CEBPB: variants seen among roughly 807,000 people sequenced by gnomAD.
The protein encoded by CEBPB is CCAAT/enhancer-binding protein beta.
For missense variants in CEBPB, 498 were observed against 533.1 expected, an observed-to-expected ratio of 0.93 and a Z score of 0.65; for synonymous variants, 295 against 267.1, an observed-to-expected ratio of 1.10 and a Z score of -1.02.
chr20:50,191,890 G>C lies in CEBPB; in HGVS notation c.857G>C (p.Arg286Pro). The C allele has an allele frequency of 6.2e-7, 1 of 1,612,474 alleles. No individual in the cohort carries two copies. Among genetic ancestry groups the C allele is most frequent in the Non-Finnish European group, 8.5e-7 (1 of 1,179,446 alleles). ...IRRERNNIAV[R>P]KSRDKAKMRN... is the part of the protein sequence containing the mutation. ...CGCGAGCGCAACAACATCGCCGTGC[G>C]CAAGAGCCGCGACAAGGCCAAGATG... The change falls in exon 1 of 1, where the codon CGC becomes CCC. Residue 286 changes from arginine (R) to proline (P), a missense_variant. Transcript: ENST00000303004.
Position 50,191,311 on chromosome 20 carries a change from C to T in CEBPB, c.278C>T (p.Ala93Val). 7.1e-7 allele frequency: 1 copy of T among 1,415,330 alleles called. No homozygotes were observed. The allele number at this position is 1,415,330 out of a possible 1,614,324, so 87.7% of individuals were successfully genotyped here. A position where few individuals can be genotyped will look rare whatever the true frequency, so the allele number is the denominator to read the frequency against. The change falls in exon 1 of 1, where the codon GCC becomes GTC. Residue 93 changes from alanine to valine, a missense_variant. By Grantham distance (64) the Ala-to-Val change is moderately conservative. Transcript: ENST00000303004. ...GAPQAPAPAT[A>V]TDTFEAAPPA... ...CCGCAGGCCCCGGCGCCCGCCACGG[C>T]CACGGACACCTTCGAGGCGGCTCCG...
Position 50,191,221 on chromosome 20 carries a change from T to C in CEBPB, c.188T>C (p.Leu63Pro). The part of the protein sequence containing the change: ...RPGPRPPAGE[L>P]GSIGDHERAI... ...GGGCCGCGCCCCCCCGCCGGCGAGCTGGGCAGCATCGGCGACCACGAGCGC... is the reference window on the plus strand; with the variant it reads ...GGGCCGCGCCCCCCCGCCGGCGAGCCGGGCAGCATCGGCGACCACGAGCGC... The change falls in exon 1 of 1, where the codon CTG (leucine) becomes CCG (proline). Residue 63 changes from leucine (L) to proline (P), a missense_variant. Physicochemically the swap from Leu to Pro is moderately conservative, Grantham distance 98. Transcript: ENST00000303004. 7.8e-7 allele frequency: 1 copy of C among 1,286,806 alleles called. No individual in the cohort carries two copies. Among genetic ancestry groups the C allele is most frequent in the Non-Finnish European group, 9.8e-7 (1 of 1,019,588 alleles). 79.7% of individuals were successfully genotyped at this position (1,286,806 alleles called of 1,614,324 possible). A position where few individuals can be genotyped will look rare whatever the true frequency, so the allele number is the denominator to read the frequency against.
In CEBPB at chr20:50,191,390, C is replaced by T; in HGVS notation, c.357C>T (p.Ser119=). The T allele has an allele frequency of 6.6e-7, 1 of 1,505,234 alleles. No homozygotes were observed. The highest frequency in any genetic ancestry group is 8.9e-7 in the Non-Finnish European group (1 of 1,123,386). 93.2% of individuals were successfully genotyped at this position (1,505,234 alleles called of 1,614,324 possible). ...ASSGQHHDFL[S]DLFSDDYGGK... ...CCGGGCAGCACCACGACTTCCTCTC[C>T]GACCTCTTCTCCGACGACTACGGGG... The change falls in exon 1 of 1, where the codon TCC becomes TCT. Residue 119 remains serine (S), a synonymous_variant. Transcript: ENST00000303004.
Position 50,191,248 on chromosome 20 carries a change from C to T in CEBPB, c.215C>T (p.Ala72Val). 3 of 1,293,780 alleles carry T rather than the reference C, an allele frequency of 2.3e-6. No homozygotes were observed. The highest frequency in any genetic ancestry group is 3.5e-5 in the East Asian group (1 of 28,542). The allele number at this position is 1,293,780 out of a possible 1,614,324, so 80.1% of individuals were successfully genotyped here. ...ELGSIGDHER[A>V]IDFSPYLEPL... Reference sequence around the variant, plus strand: ...GGCAGCATCGGCGACCACGAGCGCGCCATCGACTTCAGCCCGTACCTGGAG... The same window carrying T: ...GGCAGCATCGGCGACCACGAGCGCGTCATCGACTTCAGCCCGTACCTGGAG... Residue 72 changes from alanine to valine, a missense_variant, in exon 1 of 1, where the codon GCC becomes GTC. Physicochemically the swap from Ala to Val is moderately conservative, Grantham distance 64 (BLOSUM62 0). Transcript: ENST00000303004.
chr20:50,190,892 C>G lies in CEBPB; in HGVS notation c.-142C>G. The stretch of plus-strand genomic sequence containing the variant: ...CCACCCGAGGGTCCAGCCACCAGCC[C>G]CCTCACTAATAGCGGCCACCCCGGC... On this transcript the variant is annotated 5_prime_UTR_variant, in exon 1 of 1. Coordinates refer to ENST00000303004, the MANE Select transcript of CEBPB (RefSeq NM_005194.4). The G allele has an allele frequency of 1.9e-6, 2 of 1,080,528 alleles. No individual in the cohort carries two copies. Among genetic ancestry groups the G allele is most frequent in the Non-Finnish European group, 2.4e-6 (2 of 824,264 alleles). The allele number at this position is 1,080,528 out of a possible 1,614,324, so 66.9% of individuals were successfully genotyped here. A position where few individuals can be genotyped will look rare whatever the true frequency, so the allele number is the denominator to read the frequency against.
In CEBPB at chr20:50,191,009, G is replaced by GC; in HGVS notation, c.-20dup. On this transcript the variant is annotated 5_prime_UTR_variant, in exon 1 of 1. Coordinates refer to ENST00000303004, the MANE Select transcript of CEBPB (RefSeq NM_005194.4). ...GGCCGGCCGGAGCGGGCAGCCCCAGGCCCCCTCCCCGGGCACCCGCGTTCA... is the reference window on the plus strand; with the variant it reads ...GGCCGGCCGGAGCGGGCAGCCCCAGGCCCCCCTCCCCGGGCACCCGCGTTCA... The GC allele has an allele frequency of 6.7e-7, 1 of 1,490,748 alleles. No homozygotes were observed. Among genetic ancestry groups the GC allele is most frequent in the Admixed American group, 2.2e-5 (1 of 46,498 alleles). 92.3% of individuals were successfully genotyped at this position (1,490,748 alleles called of 1,614,324 possible). A position where few individuals can be genotyped will look rare whatever the true frequency, so the allele number is the denominator to read the frequency against.
rs773893525 is a variant in CEBPB, at chr20:50,191,157, G to A, written c.124G>A (p.Gly42Ser). The A allele has an allele frequency of 6.7e-7, 1 of 1,494,884 alleles. No individual in the cohort carries two copies. Among genetic ancestry groups the A allele is most frequent in the East Asian group, 2.9e-5 (1 of 34,730 alleles). The allele number at this position is 1,494,884 out of a possible 1,614,324, so 92.6% of individuals were successfully genotyped here. Residue 42 changes from glycine (G) to serine (S), a missense_variant, in exon 1 of 1, where the codon GGC becomes AGC. Gly to Ser is a moderately conservative substitution (Grantham distance 56). Transcript: ENST00000303004. ...GGACTGCTTGGCTGCTGCGTACGGC[G>A]GCAAGGCGGCCCCCGCGGCGCCCCC... ...EADCLAAAYG[G>S]KAAPAAPPAA...
rs1479635298 is a variant in CEBPB at position 50,191,414 on chromosome 20, G to C, written c.381G>C (p.Gly127=). 2.6e-6 allele frequency: 4 copies of C among 1,523,086 alleles called. No homozygotes were observed. In the East Asian group the frequency reaches 1.1e-4, roughly 42 times the overall value. The allele number at this position is 1,523,086 out of a possible 1,614,324, so 94.3% of individuals were successfully genotyped here. A position where few individuals can be genotyped will look rare whatever the true frequency, so the allele number is the denominator to read the frequency against. Residue 127 remains glycine, a synonymous_variant, in exon 1 of 1, where the codon GGG becomes GGC. Transcript: ENST00000303004. The part of the protein sequence containing the change: ...FLSDLFSDDY[G]GKNCKKPAEY... ...CCGACCTCTTCTCCGACGACTACGG[G>C]GGCAAGAACTGCAAGAAGCCGGCCG... is the stretch of plus-strand genomic sequence containing the variant.
rs1197080663 is a variant in CEBPB at position 50,191,773 on chromosome 20, C to T, written c.740C>T (p.Ala247Val). 2 of 1,543,726 alleles carry T rather than the reference C, an allele frequency of 1.3e-6. No homozygotes were observed. The highest frequency in any genetic ancestry group is 2.5e-5 in the East Asian group (1 of 40,152). The change falls in exon 1 of 1, where the codon GCC becomes GTC. Residue 247 changes from alanine to valine, a missense_variant. Coordinates refer to ENST00000303004, the MANE Select transcript of CEBPB (RefSeq NM_005194.4). ...SPADAKAPPTACYAGAAPAPS... is the reference protein window; with the variant it reads ...SPADAKAPPTVCYAGAAPAPS... ...GCTGACGCCAAGGCGCCCCCGACCG[C>T]CTGCTACGCGGGGGCCGCGCCGGCG...
chr20:50,192,107 C>T lies in CEBPB; in HGVS notation c.*36C>T. On this transcript the variant is annotated 3_prime_UTR_variant, in exon 1 of 1. Transcript: ENST00000303004. ...GCGCGCGTCCCCCTGCCGGCCGGGG[C>T]TGAGACTCCGGGGAGCGCCCGCGCC... 6.9e-7 allele frequency: 1 copy of T among 1,452,644 alleles called. No homozygotes were observed. The highest frequency in any genetic ancestry group is 9.1e-7 in the Non-Finnish European group (1 of 1,101,968). 90.0% of individuals were successfully genotyped at this position (1,452,644 alleles called of 1,614,324 possible).
In CEBPB at chr20:50,191,768, G is replaced by A. The variant is rs750434291; in HGVS notation, c.735G>A (p.Pro245=). The A allele has an allele frequency of 1.2e-5, 18 of 1,541,332 alleles. No individual in the cohort carries two copies. Among genetic ancestry groups the A allele is most frequent in the African/African-American group, 2.8e-5 (2 of 71,804 alleles). Residue 245 remains proline, a synonymous_variant, in exon 1 of 1, where the codon CCG becomes CCA. Coordinates refer to ENST00000303004, the MANE Select transcript of CEBPB (RefSeq NM_005194.4). ...TPSPADAKAP[P]TACYAGAAPA... ...GCCCCGCTGACGCCAAGGCGCCCCC[G>A]ACCGCCTGCTACGCGGGGGCCGCGC...
Position 50,191,277 on chromosome 20 carries a change from C to T in CEBPB, c.244C>T (p.Leu82=). ...AIDFSPYLEP[L]GAPQAPAPAT... is the part of the protein sequence containing the mutation. ...CGACTTCAGCCCGTACCTGGAGCCG[C>T]TGGGCGCGCCGCAGGCCCCGGCGCC... The change falls in exon 1 of 1, where the codon CTG becomes TTG. Residue 82 remains leucine, a synonymous_variant. Coordinates refer to ENST00000303004, the MANE Select transcript of CEBPB (RefSeq NM_005194.4). 7.8e-7 allele frequency: 1 copy of T among 1,280,222 alleles called. No homozygotes were observed. The highest frequency in any genetic ancestry group is 9.9e-7 in the Non-Finnish European group (1 of 1,012,718). The allele number at this position is 1,280,222 out of a possible 1,614,324, so 79.3% of individuals were successfully genotyped here.
chr20:50,191,783 G>T lies in CEBPB; in HGVS notation c.750G>T (p.Ala250=), dbSNP rs1180596801. 7.8e-6 allele frequency: 12 copies of T among 1,546,792 alleles called. No individual in the cohort carries two copies. Among genetic ancestry groups the T allele is most frequent in the Non-Finnish European group, 1.0e-5 (12 of 1,147,012 alleles). ...DAKAPPTACY[A]GAAPAPSQVK... The stretch of plus-strand genomic sequence containing the variant: ...AGGCGCCCCCGACCGCCTGCTACGC[G>T]GGGGCCGCGCCGGCGCCCTCGCAGG... The change falls in exon 1 of 1, where the codon GCG becomes GCT. Residue 250 remains alanine, a synonymous_variant. Transcript: ENST00000303004.
At position 50,191,086 on chromosome 20, in the gene CEBPB, C is replaced by T. The variant is rs1041584212; in HGVS notation, c.53C>T (p.Pro18Leu). The T allele has an allele frequency of 6.4e-7, 1 of 1,557,036 alleles. No individual in the cohort carries two copies. The highest frequency in any genetic ancestry group is 8.6e-7 in the Non-Finnish European group (1 of 1,158,058). The change falls in exon 1 of 1, where the codon CCG becomes CTG. Residue 18 changes from proline (P) to leucine (L), a missense_variant. Transcript: ENST00000303004. ...GCATGTCTCCCCCTGCCGCCGCCGC[C>T]GCCTGCCTTTAAATCCATGGAAGTG... ...DPACLPLPPP[P>L]PAFKSMEVAN...
At position 50,192,638 on chromosome 20, in the gene CEBPB, CTT is replaced by C. The variant is rs1372080105; in HGVS notation, c.*570_*571del. 1 of 166,802 alleles carries C rather than the reference CTT, an allele frequency of 6.0e-6. No individual in the cohort carries two copies. Among genetic ancestry groups the C allele is most frequent in the Non-Finnish European group, 1.5e-5 (1 of 68,116 alleles). The allele number at this position is 166,802 out of a possible 1,614,324, so 10.3% of individuals were successfully genotyped here. A position where few individuals can be genotyped will look rare whatever the true frequency, so the allele number is the denominator to read the frequency against. On this transcript the variant is annotated 3_prime_UTR_variant, in exon 1 of 1. Coordinates refer to ENST00000303004, the MANE Select transcript of CEBPB (RefSeq NM_005194.4). The stretch of plus-strand genomic sequence containing the variant: ...TTTTCCGTTTCAAGCATTAAGAACA[CTT>C]TTAATAAACTTTTTTTTGAGAATGG...
At position 50,191,045 on chromosome 20, in the gene CEBPB, G is replaced by A. The variant is rs772764205; in HGVS notation, c.12G>A (p.Leu4=). 3.9e-6 allele frequency: 6 copies of A among 1,538,722 alleles called. No homozygotes were observed. Among genetic ancestry groups the A allele is most frequent in the Non-Finnish European group, 4.3e-6 (5 of 1,150,814 alleles). The stretch of plus-strand genomic sequence containing the variant: ...GGGCACCCGCGTTCATGCAACGCCT[G>A]GTGGCCTGGGACCCAGCATGTCTCC... MQR[L]VAWDPACLPL... is the part of the protein sequence containing the mutation. Residue 4 remains leucine (L), a synonymous_variant, in exon 1 of 1, where the codon CTG becomes CTA. Transcript: ENST00000303004.
chr20:50,191,406 G>A lies in CEBPB; in HGVS notation c.373G>A (p.Asp125Asn), dbSNP rs745370394. The change falls in exon 1 of 1, where the codon GAC (aspartate) becomes AAC (asparagine). Residue 125 changes from aspartate (D) to asparagine (N), a missense_variant. Coordinates refer to ENST00000303004, the MANE Select transcript of CEBPB (RefSeq NM_005194.4). ...CTTCCTCTCCGACCTCTTCTCCGACGACTACGGGGGCAAGAACTGCAAGAA... is the reference window on the plus strand; with the variant it reads ...CTTCCTCTCCGACCTCTTCTCCGACAACTACGGGGGCAAGAACTGCAAGAA... ...HDFLSDLFSD[D>N]YGGKNCKKPA... is the part of the protein sequence containing the mutation. 1.3e-6 allele frequency: 2 copies of A among 1,517,006 alleles called. No individual in the cohort carries two copies. The highest frequency in any genetic ancestry group is 1.2e-5 in the South Asian group (1 of 83,366). The allele number at this position is 1,517,006 out of a possible 1,614,324, so 94.0% of individuals were successfully genotyped here.
rs746123580 is a variant in CEBPB, at chr20:50,191,104, T to C, written c.71T>C (p.Met24Thr). 6.4e-7 allele frequency: 1 copy of C among 1,551,180 alleles called. No homozygotes were observed. Among genetic ancestry groups the C allele is most frequent in the Non-Finnish European group, 8.7e-7 (1 of 1,154,270 alleles). The change falls in exon 1 of 1, where the codon ATG (methionine) becomes ACG (threonine). Residue 24 changes from methionine (M) to threonine (T), a missense_variant. Physicochemically the swap from Met to Thr is moderately conservative, Grantham distance 81 (BLOSUM62 -1). Transcript: ENST00000303004. ...CCGCCGCCGCCTGCCTTTAAATCCA[T>C]GGAAGTGGCCAACTTCTACTACGAG... ...LPPPPPAFKS[M>T]EVANFYYEAD...
Position 50,191,379 on chromosome 20 carries a change from G to A in CEBPB, c.346G>A (p.Asp116Asn). The A allele has an allele frequency of 6.7e-7, 1 of 1,493,288 alleles. No homozygotes were observed. The highest frequency in any genetic ancestry group is 9.0e-7 in the Non-Finnish European group (1 of 1,116,530). The allele number at this position is 1,493,288 out of a possible 1,614,324, so 92.5% of individuals were successfully genotyped here. The change falls in exon 1 of 1, where the codon GAC becomes AAC. Residue 116 changes from aspartate to asparagine, a missense_variant. Coordinates refer to ENST00000303004, the MANE Select transcript of CEBPB (RefSeq NM_005194.4). The stretch of plus-strand genomic sequence containing the variant: ...GCCCGCCTCCTCCGGGCAGCACCAC[G>A]ACTTCCTCTCCGACCTCTTCTCCGA... ...PAPASSGQHH[D>N]FLSDLFSDDY...
Sources: allele counts gnomAD v4.1 joint callset, GRCh38; gene constraint gnomAD v4.1.1; transcripts MANE v1.5; gene names NCBI Gene and HGNC (gene_info 2026-07-23, HGNC 2026-07-21).